The following GALNTL6 variants were observed in gnomAD, a reference collection of about 807,000 sequenced individuals.
GALNTL6 encodes the protein polypeptide N-acetylgalactosaminyltransferase-like 6.
Under a neutral mutation model 73.7 loss-of-function variants are expected in GALNTL6, and 46 were observed. That is an observed-to-expected ratio of 0.62 (90% CI 0.49 to 0.80). The LOEUF (loss-of-function observed/expected upper bound fraction) is 0.80, where lower values mean the gene tolerates loss of function less well. Ranked by LOEUF, GALNTL6 falls within the 30% of genes least tolerant of loss-of-function variation. The probability of loss-of-function intolerance (pLI) is 0.00; values close to 1 mark genes in which losing one functional copy is unlikely to be tolerated. For synonymous variants in GALNTL6, 259 were observed against 263.7 expected (o/e 0.98, Z 0.17); for missense variants, 604 against 755.0 (o/e 0.80, Z 2.34).
chr4:172,849,585 T>C lies in GALNTL6; in HGVS notation c.924-33205T>C, dbSNP rs149721141. Reference sequence around the variant, plus strand: ...TATTAACTAAGAATAGAAAATATGATTCACTTTAAGTAAACACAAATAAAG... The same window carrying C: ...TATTAACTAAGAATAGAAAATATGACTCACTTTAAGTAAACACAAATAAAG... On this transcript the variant is annotated intron_variant, in intron 7 of 12. Transcript: ENST00000506823. 4.6e-5 allele frequency among the ~76,000 whole-genome samples: 7 copies of C among 152,296 alleles called. No homozygotes were observed. The East Asian group carries it at 9.6e-4, about 21-fold the overall frequency.
intron 5 of GALNTL6, among the ~76,000 whole-genome samples, chr4:172,362,720 G>A (rs1742414777): frequency 6.6e-6 from 1 of 152,132 alleles, no homozygotes; most frequent in South Asian, 2.1e-4. Flanking sequence ...GTGTCCACAT[G>A]TTCTAATTTT....
intron 5 of GALNTL6, among the ~76,000 whole-genome samples, chr4:172,720,463 G>C (rs1178360479): frequency 6.6e-6 from 1 of 152,128 alleles, no homozygotes; most frequent in Non-Finnish European, 1.5e-5. Flanking sequence ...AAGCTAGTTA[G>C]TTTCTCCAGG....
intron 12 of GALNTL6, among the ~76,000 whole-genome samples, chr4:173,028,778 T>C (rs1753336110): frequency 6.6e-6 from 1 of 152,190 alleles, no homozygotes. Context: ...CGACCAAAAA[T>C]AAAAGATTTA....
At chr4:172,643,024 GA>G (rs568044852) in intron 5 of GALNTL6, among the ~76,000 whole-genome samples, 6 of 147,962 alleles carry the variant, frequency 4.1e-5, no homozygotes, top group Non-Finnish European at 7.5e-5. Context: ...ATCTTACTTA[GA>G]AAAAAAAATA....
intron 2 of GALNTL6, among the ~76,000 whole-genome samples, chr4:171,937,232 G>T (rs774847381): frequency 1.3e-5 from 2 of 152,050 alleles, no homozygotes; most frequent in Non-Finnish European, 2.9e-5. Context: ...ACATGAGTGC[G>T]ATGAAATGAC....
intron 5 of GALNTL6, among the ~76,000 whole-genome samples, chr4:172,389,329 A>G (rs1441249559): frequency 6.6e-6 from 1 of 152,042 alleles, no homozygotes; most frequent in Non-Finnish European, 1.5e-5. Context: ...TTAAAGTAAG[A>G]CTAGAAATCA....
chr4:172,861,484 C>G (rs1223325636), intron 7 of GALNTL6, among the ~76,000 whole-genome samples: 3 of 152,070 alleles, frequency 2.0e-5, no homozygotes. Context: ...AAATCAGTGT[C>G]TTGTTCAGAT....
chr4:172,061,196 T>G (rs1174606753), intron 2 of GALNTL6, among the ~76,000 whole-genome samples: 1 of 152,116 alleles, frequency 6.6e-6, no homozygotes, highest in Non-Finnish European at 1.5e-5. Flanking sequence ...AGGTCTTTTT[T>G]TCTCTCTCTG....
chr4:172,324,769 A>T (rs1462762474), intron 4 of GALNTL6, among the ~76,000 whole-genome samples: 2 of 151,022 alleles, frequency 1.3e-5, no homozygotes, highest in Non-Finnish European at 3.0e-5. Context: ...TTAATCAAAA[A>T]TAATATACTT....
intron 2 of GALNTL6, among the ~76,000 whole-genome samples, chr4:172,009,961 T>TTTTCTA (rs569406252): frequency 2.8e-4 from 43 of 152,140 alleles, no homozygotes; most frequent in Non-Finnish European, 5.9e-4. Context: ...GTGTGAATTA[T>TTTTCTA]TTTCTATTCT....
At chr4:172,214,152 A>G (rs565777428) in intron 2 of GALNTL6, among the ~76,000 whole-genome samples, 2 of 152,134 alleles carry the variant, frequency 1.3e-5, no homozygotes, top group Admixed American at 1.3e-4. Context: ...TGTTCTGTTG[A>G]CCTGTGTGTC....
chr4:172,130,939 C>T (rs1249640303), intron 2 of GALNTL6, among the ~76,000 whole-genome samples: 1 of 152,062 alleles, frequency 6.6e-6, no homozygotes, highest in Non-Finnish European at 1.5e-5. Context: ...TCTATGCACC[C>T]TCTATCTACT....
At chr4:172,609,629 G>C (rs371120740) in intron 5 of GALNTL6, among the ~76,000 whole-genome samples, 74 of 78,696 alleles carry the variant, frequency 9.4e-4, no homozygotes, top group African/African-American at 3.2e-3. Flanking sequence ...CTCTCTCTGT[G>C]TGTGTGTGTG....
rs35054572 is a variant in GALNTL6 at position 172,596,460 on chromosome 4, G to GAAA, written c.554-212891_554-212889dup. 4.7e-3 allele frequency among the ~76,000 whole-genome samples: 653 copies of GAAA among 140,424 alleles called. 6 individuals carry two copies. The highest frequency in any genetic ancestry group is 0.016 in the African/African-American group (611 of 37,992). The allele number at this position is 140,424 out of a possible 152,430, so 92.1% of individuals were successfully genotyped here. A position where few individuals can be genotyped will look rare whatever the true frequency, so the allele number is the denominator to read the frequency against. On this transcript the variant is annotated intron_variant, in intron 5 of 12. Transcript: ENST00000506823. ...ACATTGTCTCTCAAAAAAAAAAAAA[G>GAAA]AAAAAAAAAAAAGTGTGACCAAGAT...
At chr4:172,865,631 A>G (rs565970979) in intron 7 of GALNTL6, among the ~76,000 whole-genome samples, 170 of 152,292 alleles carry the variant, frequency 1.1e-3, no homozygotes, top group Non-Finnish European at 4.3e-4. Context: ...CACATAAATC[A>G]CTGTTTAATT....
At chr4:171,835,610 T>C (rs116469236) in intron 2 of GALNTL6, among the ~76,000 whole-genome samples, 1,718 of 152,130 alleles carry the variant, frequency 0.011, 12 homozygotes, top group Non-Finnish European at 0.017. Flanking sequence ...TTTATGGATA[T>C]AGCATTAATT....
At chr4:171,884,763 T>G (rs1479491527) in intron 2 of GALNTL6, among the ~76,000 whole-genome samples, 1 of 151,996 alleles carries the variant, frequency 6.6e-6, no homozygotes, top group Non-Finnish European at 1.5e-5. Context: ...TGTGCAAGAA[T>G]GTGTTGTTTA....
At chr4:171,976,396 A>G (rs1459551210) in intron 2 of GALNTL6, among the ~76,000 whole-genome samples, 1 of 152,256 alleles carries the variant, frequency 6.6e-6, no homozygotes, top group Non-Finnish European at 1.5e-5. Flanking sequence ...TGTATTGACT[A>G]TCTCTGCTAC....
chr4:172,113,737 C>T (rs1732916783), intron 2 of GALNTL6, among the ~76,000 whole-genome samples: 1 of 152,010 alleles, frequency 6.6e-6, no homozygotes, highest in South Asian at 2.1e-4. Context: ...TTTAAAGCTC[C>T]TTTCAGACAA....
Sources: allele counts gnomAD v4.1 joint callset (sites outside exome capture counted in the v4.1 genomes callset), GRCh38; gene constraint gnomAD v4.1.1; transcripts MANE v1.5; gene names NCBI Gene and HGNC (gene_info 2026-07-23, HGNC 2026-07-21).